TRIM9: variants seen among roughly 807,000 people sequenced by gnomAD.
The protein encoded by TRIM9 is tripartite motif containing 9, also known as E3 ubiquitin-protein ligase TRIM9.
Under a neutral mutation model 78.3 loss-of-function variants are expected in TRIM9, and 26 were observed. That is an observed-to-expected ratio of 0.33 (90% CI 0.24 to 0.46). TRIM9 has a LOEUF of 0.46. Among genes scored for constraint, TRIM9 ranks in the 20% least tolerant of loss-of-function variants. The pLI is 1.00. For missense variants in TRIM9, 787 were observed against 1,036.4 expected (o/e 0.76, Z 3.30); for synonymous variants, 398 against 416.5 (o/e 0.96, Z 0.54).
chr14:51,000,394 T>C (rs1435814570), intron 6 of TRIM9, among the ~76,000 whole-genome samples: 1 of 152,176 alleles, frequency 6.6e-6, no homozygotes, highest in East Asian at 1.9e-4. Flanking sequence ...GGGGTGATAA[T>C]TAGGCATTGT....
intron 1 of TRIM9, among the ~76,000 whole-genome samples, chr14:51,077,772 C>T (rs775285285): frequency 6.6e-6 from 1 of 152,202 alleles, no homozygotes; most frequent in Non-Finnish European, 1.5e-5. Flanking sequence ...AATCACATCT[C>T]ATAGCATAGT....
chr14:51,009,007 G>C, intron 5 of TRIM9, 73 bp downstream of exon 5: 1 of 1,479,962 alleles, frequency 6.8e-7, no homozygotes. Flanking sequence ...AGCCAAAGGG[G>C]TACTGATCCT....
intron 1 of TRIM9, among the ~76,000 whole-genome samples, chr14:51,035,625 G>A (rs1433251855): frequency 1.3e-5 from 2 of 152,130 alleles, no homozygotes; most frequent in Admixed American, 6.5e-5. Context: ...TATACCACCC[G>A]GAAGAACATG....
chr14:51,085,972 G>T (rs2063714778), intron 1 of TRIM9, among the ~76,000 whole-genome samples: 1 of 152,004 alleles, frequency 6.6e-6, no homozygotes, highest in African/African-American at 2.4e-5. Context: ...CCGATGATCT[G>T]GTCTGTGGAA....
chr14:50,979,228 G>T, intron 12 of TRIM9, 159 bp downstream of exon 12: 1 of 1,476,316 alleles, frequency 6.8e-7, no homozygotes, highest in African/African-American at 1.4e-5. Flanking sequence ...AATAAAATAA[G>T]TTGCCAGTGC....
At chr14:51,093,829 C>T (rs1022412390) in intron 1 of TRIM9, among the ~76,000 whole-genome samples, 2 of 152,236 alleles carry the variant, frequency 1.3e-5, no homozygotes, top group African/African-American at 2.4e-5. Flanking sequence ...TGGCTGCAGA[C>T]CCGCCGCGGA....
In TRIM9 at chr14:51,025,368, G is replaced by A. The variant is rs1272914346; in HGVS notation, c.823-8C>T. 2 of 1,613,746 alleles carry A rather than the reference G, an allele frequency of 1.2e-6. No individual in the cohort carries two copies. Among genetic ancestry groups the A allele is most frequent in the Non-Finnish European group, 1.7e-6 (2 of 1,179,788 alleles). On this transcript the variant is annotated splice_region_variant and splice_polypyrimidine_tract_variant and intron_variant, in intron 1 of 12. Coordinates refer to ENST00000684578, the MANE Select transcript of TRIM9 (RefSeq NM_001387360.1). ...CGCCTGGGAGAGCTGGCTCTGCAAA[G>A]ACAAAGAAGGAAGCCATGGAGCTGT...
chr14:51,005,583 G>A (rs1596151269), intron 5 of TRIM9, among the ~76,000 whole-genome samples: 1 of 152,202 alleles, frequency 6.6e-6, no homozygotes, highest in Admixed American at 6.5e-5. Context: ...GGCTGACTAG[G>A]AGAAGACTTA....
chr14:51,070,962 G>A (rs1454446876), intron 1 of TRIM9, among the ~76,000 whole-genome samples: 2 of 152,156 alleles, frequency 1.3e-5, no homozygotes, highest in African/African-American at 4.8e-5. Flanking sequence ...TGATGAGTCA[G>A]AGATTCAGAG....
At chr14:51,071,873 G>A (rs998051143) in intron 1 of TRIM9, among the ~76,000 whole-genome samples, 1 of 152,218 alleles carries the variant, frequency 6.6e-6, no homozygotes, top group African/African-American at 2.4e-5. Context: ...CCTGGAGTCA[G>A]TGGGAAAAGT....
In TRIM9 at chr14:50,979,130, T is replaced by A. The variant is rs1002619274; in HGVS notation, c.2325+257A>T. On this transcript the variant is annotated intron_variant, in intron 12 of 12. Transcript: ENST00000684578. Reference sequence around the variant, plus strand: ...AAACTAGAGCTACAGAGATGATCATTAGCCAACCATGAAGAGAATTCTAGT... The same window carrying A: ...AAACTAGAGCTACAGAGATGATCATAAGCCAACCATGAAGAGAATTCTAGT... 18 of 1,400,528 alleles carry A rather than the reference T, an allele frequency of 1.3e-5. No homozygotes were observed. The African/African-American group carries it at 1.9e-4, about 15-fold the overall frequency. The allele number at this position is 1,400,528 out of a possible 1,614,324, so 86.8% of individuals were successfully genotyped here.
intron 1 of TRIM9, 62 bp from the exon 2 acceptor site, chr14:51,025,422 G>A (rs1027805713): frequency 6.7e-4 from 81 of 121,372 alleles, no homozygotes; most frequent in African/African-American, 6.6e-3. Flanking sequence ...CAAGGCCAGC[G>A]AGACTCAAAA....
At chr14:51,050,987 G>A (rs1160430078) in intron 1 of TRIM9, among the ~76,000 whole-genome samples, 2 of 152,224 alleles carry the variant, frequency 1.3e-5, no homozygotes, top group Non-Finnish European at 2.9e-5. Context: ...CCAAGATGCT[G>A]CTGATTCCTA....
At chr14:50,988,720 G>C (rs1238433999) in intron 7 of TRIM9, among the ~76,000 whole-genome samples, 1 of 151,876 alleles carries the variant, frequency 6.6e-6, no homozygotes, top group African/African-American at 2.4e-5. Context: ...TGAATTACAA[G>C]AGAGAAACAC....
At chr14:51,074,874 A>C (rs2062618024) in intron 1 of TRIM9, among the ~76,000 whole-genome samples, 1 of 152,242 alleles carries the variant, frequency 6.6e-6, no homozygotes, top group Non-Finnish European at 1.5e-5. Context: ...AAATGAGGGG[A>C]ATGAAAGATG....
chr14:51,036,705 GTTGA>G (rs1241635826), intron 1 of TRIM9, among the ~76,000 whole-genome samples: 1 of 152,172 alleles, frequency 6.6e-6, no homozygotes, highest in African/African-American at 2.4e-5. Flanking sequence ...TCCAGTGTTG[GTTGA>G]ATCTATTTAC....
intron 8 of TRIM9, among the ~76,000 whole-genome samples, chr14:50,984,941 C>G (rs1437826070): frequency 6.6e-6 from 1 of 152,180 alleles, no homozygotes; most frequent in Admixed American, 6.5e-5. Flanking sequence ...AGAAGAATGT[C>G]ATTTTAAAGA....
intron 1 of TRIM9, among the ~76,000 whole-genome samples, chr14:51,034,038 T>C (rs1191331368): frequency 2.0e-5 from 3 of 152,232 alleles, no homozygotes; most frequent in Admixed American, 2.0e-4. Flanking sequence ...CCATAATCTA[T>C]TAAAACTGGT....
intron 1 of TRIM9, among the ~76,000 whole-genome samples, chr14:51,085,741 T>G (rs1009540072): frequency 2.6e-5 from 4 of 152,190 alleles, no homozygotes; most frequent in Admixed American, 2.0e-4. Context: ...TAGTTTATGG[T>G]TTTTTTGGTC....
Sources: gnomAD v4.1 joint callset for allele counts (sites outside exome capture counted in the v4.1 genomes callset) on GRCh38, gnomAD v4.1.1 for gene constraint, MANE v1.5 for transcripts, NCBI Gene and HGNC (gene_info 2026-07-23, HGNC 2026-07-21) for gene names.